Variants in TMPRSS2 observed in about 807,000 individuals in gnomAD.
TMPRSS2 encodes the protein transmembrane serine protease 2, also known as transmembrane protease serine 2.
In TMPRSS2, 59 loss-of-function variants were observed where a neutral mutation model predicts 67.4. That is an observed-to-expected ratio of 0.88 (90% CI 0.71 to 1.09). The LOEUF (loss-of-function observed/expected upper bound fraction) is 1.09. TMPRSS2 is among the 50% of genes least tolerant of loss of function. The pLI, the probability that TMPRSS2 is intolerant of heterozygous loss-of-function variation, is 0.00. For synonymous variants in TMPRSS2, 257 were observed against 257.0 expected (o/e 1.00, Z 0.00); for missense variants, 668 against 642.7 (o/e 1.04, Z -0.43).
intron 5 of TMPRSS2, chr21:41,487,614 C>T (rs113670863): frequency 1.3e-5 from 2 of 152,294 alleles, no homozygotes; most frequent in African/African-American, 4.8e-5. Flanking sequence ...CACAGGCATA[C>T]ACGTATCCAA....
intron 2 of TMPRSS2, among the ~76,000 whole-genome samples, chr21:41,496,435 A>C (rs563853944): frequency 1.9e-3 from 295 of 152,346 alleles, no homozygotes; most frequent in Non-Finnish European, 3.1e-3. Context: ...CATTACATGC[A>C]TTTTTGTGCA....
chr21:41,476,596 C>G lies in TMPRSS2; in HGVS notation c.708G>C (p.Val236=), dbSNP rs2091215235. ...ACTTACCTATACAGCGTAAAGAAAC[C>G]ACTGCTTTTGAAGAACAGGCATCAC... is the stretch of plus-strand genomic sequence containing the variant. The part of the protein sequence containing the change: ...YHSDACSSKA[V]VSLRCIACGV... Residue 236 remains valine, a synonymous_variant, in exon 8 of 14, where the codon GTG becomes GTC. Coordinates refer to ENST00000332149, the MANE Select transcript of TMPRSS2 (RefSeq NM_005656.4). 1 of 1,610,248 alleles carries G rather than the reference C, an allele frequency of 6.2e-7. No homozygotes were observed. Among genetic ancestry groups the G allele is most frequent in the Non-Finnish European group, 8.5e-7 (1 of 1,179,246 alleles).
Position 41,464,493 on chromosome 21 carries a change from C to T in TMPRSS2, c.*1649G>A, listed in dbSNP as rs775987978. 6.6e-5 allele frequency: 13 copies of T among 197,840 alleles called. No homozygotes were observed. The highest frequency in any genetic ancestry group is 1.8e-4 in the Admixed American group (3 of 16,592). The allele number at this position is 197,840 out of a possible 1,614,324, so 12.3% of individuals were successfully genotyped here. Reference sequence around the variant, plus strand: ...TGACCAGCAGCCTCAACATCACCCCCTTATAAGGAAATGGAGGCTGGTCCT... The same window carrying T: ...TGACCAGCAGCCTCAACATCACCCCTTTATAAGGAAATGGAGGCTGGTCCT... On this transcript the variant is annotated 3_prime_UTR_variant, in exon 14 of 14. Transcript: ENST00000332149.
At chr21:41,494,227 C>T (rs1048205134) in intron 3 of TMPRSS2, 129 bp downstream of exon 3, 11 of 998,954 alleles carry the variant, frequency 1.1e-5, no homozygotes, top group East Asian at 5.3e-5. Context: ...AGGCTGGCTC[C>T]GGAAGACGGA....
At chr21:41,479,899 G>A (rs184764113) in intron 6 of TMPRSS2, among the ~76,000 whole-genome samples, 13 of 152,152 alleles carry the variant, frequency 8.5e-5, no homozygotes, top group Admixed American at 2.6e-4. Context: ...CCCCACCCCC[G>A]TTAGGAATCA....
chr21:41,502,050 T>A (rs947831936), intron 1 of TMPRSS2, among the ~76,000 whole-genome samples: 2 of 152,220 alleles, frequency 1.3e-5, no homozygotes, highest in African/African-American at 4.8e-5. Context: ...TGTCACCCAC[T>A]TGAATCTCAC....
intron 5 of TMPRSS2, among the ~76,000 whole-genome samples, chr21:41,484,308 T>C (rs1252526777): frequency 1.3e-5 from 2 of 152,210 alleles, no homozygotes; most frequent in African/African-American, 4.8e-5. Flanking sequence ...GAGTACAGCA[T>C]TGATAACTAG....
intron 1 of TMPRSS2, among the ~76,000 whole-genome samples, chr21:41,507,171 C>G (rs912134074): frequency 5.3e-5 from 8 of 152,224 alleles, no homozygotes; most frequent in African/African-American, 1.9e-4. Context: ...GGACATGGGG[C>G]AGTTTTTCAG....
At chr21:41,497,286 C>T (rs975590627) in intron 2 of TMPRSS2, among the ~76,000 whole-genome samples, 1 of 152,142 alleles carries the variant, frequency 6.6e-6, no homozygotes, top group African/African-American at 2.4e-5. Context: ...AAACAAGGCC[C>T]GCAGAGTTCA....
chr21:41,475,411 AGC>A (rs2091197033), intron 8 of TMPRSS2, among the ~76,000 whole-genome samples: 1 of 45,410 alleles, frequency 2.2e-5, no homozygotes, highest in Non-Finnish European at 3.5e-5. Flanking sequence ...TGAGGAGGTG[AGC>A]AGGTGGGTGA....
rs1215106448 is a variant in TMPRSS2, at chr21:41,467,797, A to C, written c.1404T>G (p.Ala468=). The C allele has an allele frequency of 6.2e-7, 1 of 1,614,116 alleles. No homozygotes were observed. The highest frequency in any genetic ancestry group is 1.3e-5 in the African/African-American group (1 of 74,936). ...DTSWGSGCAK[A]YRPGVYGNVM... ...CATTCCCGTACACTCCTGGTCTGTA[A>C]GCTTTGGCACAGCCAGAACCCCAGC... Residue 468 remains alanine (A), a synonymous_variant, in exon 13 of 14, where the codon GCT becomes GCG. Coordinates refer to ENST00000332149, the MANE Select transcript of TMPRSS2 (RefSeq NM_005656.4).
Position 41,479,282 on chromosome 21 carries a change from C to A in TMPRSS2, c.573G>T (p.Lys191Asn), listed in dbSNP as rs141620219. Reference protein sequence around the residue: ...GRAACRDMGYKNNFYSSQGIV... With the variant: ...GRAACRDMGYNNNFYSSQGIV... ...TTCCTTGGCTAGAGTAAAAATTATT[C>A]CTAAAAAAGAAAACCTTATTTGTGA... The change falls in exon 7 of 14, where the codon AAG (lysine) becomes AAT (asparagine). Residue 191 changes from lysine (K) to asparagine (N), a missense_variant and splice_region_variant. Transcript: ENST00000332149. 6 of 1,611,190 alleles carry A rather than the reference C, an allele frequency of 3.7e-6. No individual in the cohort carries two copies. The African/African-American group carries it at 8.0e-5, about 22-fold the overall frequency.
At chr21:41,486,150 C>T (rs762102931) in intron 5 of TMPRSS2, among the ~76,000 whole-genome samples, 3 of 152,186 alleles carry the variant, frequency 2.0e-5, no homozygotes, top group Non-Finnish European at 2.9e-5. Context: ...TCCTCTGACT[C>T]TACAATTCTG....
chr21:41,480,675 G>T, intron 5 of TMPRSS2, 73 bp from the exon 6 acceptor site: 1 of 1,556,950 alleles, frequency 6.4e-7, no homozygotes. Context: ...GTCTCGCTCT[G>T]TCACCTAGGC....
Position 41,468,812 on chromosome 21 carries a change from C to G in TMPRSS2, c.1172-274G>C, listed in dbSNP as rs545870269. 13 of 391,500 alleles carry G rather than the reference C, an allele frequency of 3.3e-5. No individual in the cohort carries two copies. In the South Asian group the frequency reaches 6.7e-4, roughly 20 times the overall value. The allele number at this position is 391,500 out of a possible 1,614,324, so 24.3% of individuals were successfully genotyped here. ...TGAAACTATAGGGCTCTATCAGTGC[C>G]ATGGAATCCCCCTCTTATTCACCCA... On this transcript the variant is annotated intron_variant, in intron 11 of 13. Transcript: ENST00000332149.
chr21:41,489,622 A>G, intron 3 of TMPRSS2, 29 bp from the exon 4 acceptor site: 4 of 1,531,522 alleles, frequency 2.6e-6, no homozygotes, highest in Non-Finnish European at 3.6e-6. Context: ...TGCAACGTTC[A>G]GACCAGAGTT....
At position 41,466,142 on chromosome 21, in the gene TMPRSS2, T is replaced by G. The variant is rs777277936; in HGVS notation, c.1479A>C (p.Ter493TyrextTer24). The part of the protein sequence containing the change: ...WIYRQMRADG[*>Y] ...ACGTCAAGGACGAAGACCATGTGGATTAGCCGTCTGCCTGTTCAAATAGGA... is the reference window on the plus strand; with the variant it reads ...ACGTCAAGGACGAAGACCATGTGGAGTAGCCGTCTGCCTGTTCAAATAGGA... Residue 493 changes from the stop codon to tyrosine (Y), a stop_lost, in exon 14 of 14, where the codon TAA becomes TAC. Transcript: ENST00000332149. 256 of 1,614,042 alleles carry G rather than the reference T, an allele frequency of 1.6e-4. No homozygotes were observed. The highest frequency in any genetic ancestry group is 2.0e-4 in the Non-Finnish European group (237 of 1,180,018).
At position 41,473,397 on chromosome 21, in the gene TMPRSS2, T is replaced by C; in HGVS notation, c.827A>G (p.Gln276Arg). The change falls in exon 9 of 14, where the codon CAG becomes CGG. Residue 276 changes from glutamine (Q) to arginine (R), a missense_variant. By Grantham distance (43) the Gln-to-Arg change is conservative. Transcript: ENST00000332149. ...GGAGCCTCCGCACACGTGGACGTTC[T>C]GGACGTGCAGGCTGACCTGCCAGGG... Reference protein sequence around the residue: ...AWPWQVSLHVQNVHVCGGSII... With the variant: ...AWPWQVSLHVRNVHVCGGSII... 6.2e-7 allele frequency: 1 copy of C among 1,610,420 alleles called. No homozygotes were observed.
In TMPRSS2 at chr21:41,508,135, C is replaced by T. The variant is rs2146521594; in HGVS notation, c.-111G>A. On this transcript the variant is annotated 5_prime_UTR_variant, in exon 1 of 14. Transcript: ENST00000332149. ...CCTCGCCCTCCGCCTCCGCCTCCGC[C>T]TCCTGCTTAGCTCGCGCCTACTCGG... 1.1e-6 allele frequency: 1 copy of T among 902,696 alleles called. No individual in the cohort carries two copies. The highest frequency in any genetic ancestry group is 1.5e-6 in the Non-Finnish European group (1 of 667,540). 55.9% of individuals were successfully genotyped at this position (902,696 alleles called of 1,614,324 possible).
Sources: allele counts gnomAD v4.1 joint callset (sites outside exome capture counted in the v4.1 genomes callset), GRCh38; gene constraint gnomAD v4.1.1; transcripts MANE v1.5; gene names NCBI Gene and HGNC (gene_info 2026-07-23, HGNC 2026-07-21).